The following FRAS1 variants were observed in gnomAD, a reference collection of about 807,000 sequenced individuals.
The protein encoded by FRAS1 is extracellular matrix organizing protein FRAS1.
In FRAS1, 290 loss-of-function variants were observed where a neutral mutation model predicts 435.2. The observed-to-expected ratio is 0.67, with a 90% CI of 0.61 to 0.73. FRAS1 has a LOEUF of 0.73. FRAS1 is among the 30% of genes least tolerant of loss of function. The pLI, the probability that FRAS1 is intolerant of heterozygous loss-of-function variation, is 0.00. For missense variants in FRAS1, 4,860 were observed against 5,001.5 expected (o/e 0.97, Z 0.85); for synonymous variants, 1,800 against 1,851.0 (o/e 0.97, Z 0.71).
chr4:78,298,030 C>CTCTCTCCA (rs1253600018), intron 14 of FRAS1, among the ~76,000 whole-genome samples: 1 of 104,084 alleles, frequency 9.6e-6, no homozygotes, highest in Admixed American at 1.1e-4. Context: ...CTCTCTCTCT[C>CTCTCTCCA]TATATATATA....
intron 19 of FRAS1, among the ~76,000 whole-genome samples, chr4:78,334,717 G>C (rs1181235100): frequency 1.3e-5 from 2 of 151,918 alleles, no homozygotes; most frequent in Non-Finnish European, 1.5e-5. Flanking sequence ...ACAGATACGT[G>C]TGTGTATATT....
chr4:78,152,232 TG>T (rs373847217), intron 2 of FRAS1, among the ~76,000 whole-genome samples: 1 of 152,300 alleles, frequency 6.6e-6, no homozygotes, highest in African/African-American at 2.4e-5. Flanking sequence ...TGTGGATTCA[TG>T]TATTTGGAGT....
At chr4:78,125,022 T>G (rs1410032791) in intron 2 of FRAS1, among the ~76,000 whole-genome samples, 2 of 152,216 alleles carry the variant, frequency 1.3e-5, no homozygotes, top group Admixed American at 1.3e-4. Context: ...ATTTCTTGTC[T>G]TCTGCTAGCT....
chr4:78,068,633 A>G (rs1238925373), intron 2 of FRAS1: 1 of 456,142 alleles, frequency 2.2e-6, no homozygotes, highest in Non-Finnish European at 4.4e-6. Context: ...TGCTGAAATG[A>G]GAGTGTGCTT....
At chr4:78,093,448 C>G (rs554431059) in intron 2 of FRAS1, among the ~76,000 whole-genome samples, 11 of 152,320 alleles carry the variant, frequency 7.2e-5, no homozygotes, top group African/African-American at 2.6e-4. Flanking sequence ...AAACAGTATT[C>G]ATACCACTAT....
intron 2 of FRAS1, chr4:78,181,601 C>T: frequency 6.2e-7 from 1 of 1,610,926 alleles, no homozygotes; most frequent in Non-Finnish European, 8.5e-7. Flanking sequence ...TGAAAATTAG[C>T]CTCCTTCACC....
At chr4:78,408,313 ATCAG>A (rs1733185298) in intron 31 of FRAS1, among the ~76,000 whole-genome samples, 1 of 152,162 alleles carries the variant, frequency 6.6e-6, no homozygotes, top group Non-Finnish European at 1.5e-5. Flanking sequence ...TGGATTCCAT[ATCAG>A]TGGAATTCCC....
At chr4:78,485,522 A>T (rs1252121779) in intron 58 of FRAS1, among the ~76,000 whole-genome samples, 1 of 152,196 alleles carries the variant, frequency 6.6e-6, no homozygotes. Flanking sequence ...ATCCCAGAGA[A>T]AGAAATCCCA....
In FRAS1 at chr4:78,537,142, G is replaced by A. The variant is rs1488097536; in HGVS notation, c.11240G>A (p.Gly3747Glu). Residue 3747 changes from glycine to glutamate, a missense_variant, in exon 72 of 74, where the codon GGG becomes GAG. Physicochemically the swap from Gly to Glu is moderately conservative, Grantham distance 98 (BLOSUM62 -2). Coordinates refer to ENST00000512123, the MANE Select transcript of FRAS1 (RefSeq NM_025074.7). ...CCCACGGGGACAATCTACAATGAAG[G>A]GCCCCAGTATGGATGCATTCAGCCA... ...FDPTGTIYNE[G>E]PQYGCIQPNK... 1.2e-6 allele frequency: 2 copies of A among 1,613,934 alleles called. No homozygotes were observed. Among genetic ancestry groups the A allele is most frequent in the Admixed American group, 1.7e-5 (1 of 60,010 alleles).
chr4:78,511,648 G>C (rs1721045686), intron 64 of FRAS1, 142 bp downstream of exon 64: 1 of 750,536 alleles, frequency 1.3e-6, no homozygotes, highest in South Asian at 1.5e-5. Flanking sequence ...GTTTAAATCT[G>C]TGAAGGTCCC....
intron 15 of FRAS1, among the ~76,000 whole-genome samples, chr4:78,313,613 G>A (rs1353113965): frequency 6.6e-6 from 1 of 152,144 alleles, no homozygotes; most frequent in African/African-American, 2.4e-5. Flanking sequence ...CCCTTCATAA[G>A]GAGGCCTTTC....
At chr4:78,429,285 C>T in intron 36 of FRAS1, 59 bp downstream of exon 36, 3 of 1,529,512 alleles carry the variant, frequency 2.0e-6, no homozygotes, top group Middle Eastern at 1.9e-4. Flanking sequence ...ATTGCTGCCC[C>T]TCTTCAAACC....
chr4:78,146,945 G>A (rs924454483), intron 2 of FRAS1, among the ~76,000 whole-genome samples: 2 of 152,042 alleles, frequency 1.3e-5, no homozygotes, highest in African/African-American at 4.8e-5. Flanking sequence ...AGACTCTAAT[G>A]TTGACCCCAG....
At chr4:78,155,307 T>G (rs1720837227) in intron 2 of FRAS1, among the ~76,000 whole-genome samples, 1 of 152,210 alleles carries the variant, frequency 6.6e-6, no homozygotes, top group Non-Finnish European at 1.5e-5. Flanking sequence ...AACAATATTT[T>G]TTTTGGCATG....
chr4:78,409,392 T>G lies in FRAS1; in HGVS notation c.4308+1551T>G, dbSNP rs187240728. 1.1e-4 allele frequency among the ~76,000 whole-genome samples: 16 copies of G among 152,018 alleles called. No homozygotes were observed. In the East Asian group the frequency reaches 3.1e-3, roughly 29 times the overall value. ...GGACAAAATTGTACTCAGAAGAAAA[T>G]TGATGGCCTTAAGCTCTTATTATTG... On this transcript the variant is annotated intron_variant, in intron 31 of 73. Transcript: ENST00000512123.
At chr4:78,402,697 GCCAGTTTT>G (rs201674557) in intron 30 of FRAS1, among the ~76,000 whole-genome samples, 6,680 of 152,062 alleles carry the variant, frequency 0.044, 499 homozygotes, top group African/African-American at 0.15. Flanking sequence ...TTCAAATTTT[GCCAGTTTT>G]CCCACCAATG....
chr4:78,341,629 T>A (rs1730401288), intron 20 of FRAS1, among the ~76,000 whole-genome samples: 1 of 152,110 alleles, frequency 6.6e-6, no homozygotes, highest in Admixed American at 6.5e-5. Context: ...TGATTTAACA[T>A]AATAGAAGCA....
chr4:78,526,729 A>AT (rs1721545490), intron 70 of FRAS1, 72 bp downstream of exon 70: 4 of 932,106 alleles, frequency 4.3e-6, no homozygotes, highest in Non-Finnish European at 6.4e-6. Context: ...ACTAAAATTT[A>AT]TTTGTAACCC....
chr4:78,306,108 T>G (rs959403324), intron 14 of FRAS1, among the ~76,000 whole-genome samples: 3 of 152,174 alleles, frequency 2.0e-5, no homozygotes, highest in Admixed American at 6.5e-5. Flanking sequence ...ATTTTATTTC[T>G]TCTTCACTTA....
Sources: gnomAD v4.1 joint callset for allele counts (sites outside exome capture counted in the v4.1 genomes callset) on GRCh38, gnomAD v4.1.1 for gene constraint, MANE v1.5 for transcripts, NCBI Gene and HGNC (gene_info 2026-07-23, HGNC 2026-07-21) for gene names.